The following CLMP variants were observed in gnomAD, a reference collection of about 807,000 sequenced individuals.
The protein encoded by CLMP is CXADR-like membrane protein.
CLMP carries 27 observed loss-of-function variants against 45.2 expected under a neutral mutation model. That is an observed-to-expected ratio of 0.60 (90% CI 0.44 to 0.82). The LOEUF (loss-of-function observed/expected upper bound fraction) is 0.82. Among genes scored for constraint, CLMP ranks in the 40% least tolerant of loss-of-function variants. The probability of loss-of-function intolerance (pLI) is 0.00; values close to 1 mark genes in which losing one functional copy is unlikely to be tolerated. For missense variants in CLMP, 403 were observed against 448.4 expected, an observed-to-expected ratio of 0.90 and a Z score of 0.91; for synonymous variants, 167 against 171.4, an observed-to-expected ratio of 0.97 and a Z score of 0.20.
intron 1 of CLMP, among the ~76,000 whole-genome samples, chr11:123,098,649 C>T (rs1256809516): frequency 6.6e-6 from 1 of 151,828 alleles, no homozygotes; most frequent in Non-Finnish European, 1.5e-5. Flanking sequence ...GATCCTCCCA[C>T]CTCAGGCTCC....
chr11:123,085,780 T>G (rs967686034), intron 2 of CLMP, among the ~76,000 whole-genome samples: 27 of 147,874 alleles, frequency 1.8e-4, no homozygotes, highest in East Asian at 4.4e-4. Context: ...TTTTTTTTTT[T>G]TTGTTTTTTT....
chr11:123,119,013 C>T (rs1591465676), intron 1 of CLMP, among the ~76,000 whole-genome samples: 5 of 37,812 alleles, frequency 1.3e-4, no homozygotes, highest in African/African-American at 5.7e-4. Context: ...CTCTCTCTCT[C>T]TCTCTCTCTC....
Position 123,182,612 on chromosome 11 carries a change from C to T in CLMP, c.28+12301G>A, listed in dbSNP as rs148153165. On this transcript the variant is annotated intron_variant, in intron 1 of 6. Transcript: ENST00000448775. ...CCTATTATATGCTTTACCCTCTGGG[C>T]GTTTATTTCCCTTTCTGAATCCTCA... Among the ~76,000 whole-genome samples, 81 of 152,294 alleles carry T rather than the reference C, an allele frequency of 5.3e-4. 1 individual carries two copies. In the East Asian group the frequency reaches 0.015, roughly 29 times the overall value.
intron 1 of CLMP, among the ~76,000 whole-genome samples, chr11:123,100,335 C>T (rs1460660772): frequency 1.3e-5 from 2 of 151,168 alleles, no homozygotes; most frequent in African/African-American, 2.4e-5. Flanking sequence ...GAGCCGAGAT[C>T]GCACCATTGC....
At chr11:123,179,665 G>A (rs980663349) in intron 1 of CLMP, among the ~76,000 whole-genome samples, 1 of 152,188 alleles carries the variant, frequency 6.6e-6, no homozygotes. Context: ...CCAGTGATCC[G>A]CAGGGGGCAG....
chr11:123,132,810 ACT>A (rs1480078845), intron 1 of CLMP, among the ~76,000 whole-genome samples: 1 of 146,248 alleles, frequency 6.8e-6, no homozygotes, highest in Non-Finnish European at 1.5e-5. Flanking sequence ...ACAGGGTCTC[ACT>A]CTGTGGCTCA....
chr11:123,166,417 T>C (rs1048495627), intron 1 of CLMP, among the ~76,000 whole-genome samples: 22 of 152,274 alleles, frequency 1.4e-4, no homozygotes, highest in African/African-American at 5.3e-4. Flanking sequence ...ACGGCTTCAA[T>C]AGCCCAGAGT....
At chr11:123,165,149 C>T (rs1861540486) in intron 1 of CLMP, among the ~76,000 whole-genome samples, 2 of 152,188 alleles carry the variant, frequency 1.3e-5, no homozygotes, top group Non-Finnish European at 2.9e-5. Context: ...GAAGGATCCT[C>T]ATATCCACCA....
At chr11:123,134,081 G>A (rs943283060) in intron 1 of CLMP, among the ~76,000 whole-genome samples, 12 of 151,982 alleles carry the variant, frequency 7.9e-5, no homozygotes, top group African/African-American at 2.9e-4. Flanking sequence ...CCAACACGGT[G>A]AAACCCTGTC....
chr11:123,158,610 A>T (rs1861445446), intron 1 of CLMP, among the ~76,000 whole-genome samples: 1 of 152,196 alleles, frequency 6.6e-6, no homozygotes, highest in South Asian at 2.1e-4. Context: ...TTAGTTTTGC[A>T]GTAGACCACA....
intron 1 of CLMP, among the ~76,000 whole-genome samples, chr11:123,148,103 C>T (rs1252550510): frequency 6.6e-6 from 1 of 152,204 alleles, no homozygotes; most frequent in Non-Finnish European, 1.5e-5. Context: ...GCTAATAGTA[C>T]ACAACCTCAT....
intron 2 of CLMP, among the ~76,000 whole-genome samples, chr11:123,089,246 A>C (rs1291501120): frequency 1.3e-5 from 2 of 151,966 alleles, no homozygotes; most frequent in African/African-American, 4.8e-5. Flanking sequence ...TTAGCCGGGC[A>C]TGGTGGCGCA....
intron 1 of CLMP, among the ~76,000 whole-genome samples, chr11:123,168,558 G>A (rs1861590103): frequency 6.6e-6 from 1 of 152,134 alleles, no homozygotes; most frequent in Non-Finnish European, 1.5e-5. Flanking sequence ...AGTGTCCCCT[G>A]GGAGCCGGGT....
At chr11:123,139,788 C>T (rs1861128561) in intron 1 of CLMP, among the ~76,000 whole-genome samples, 1 of 151,228 alleles carries the variant, frequency 6.6e-6, no homozygotes, top group African/African-American at 2.4e-5. Flanking sequence ...TGCACTCCAG[C>T]CTGGGCAACA....
intron 1 of CLMP, among the ~76,000 whole-genome samples, chr11:123,102,776 C>G (rs1171702230): frequency 4.4e-5 from 6 of 136,836 alleles, no homozygotes; most frequent in African/African-American, 1.7e-4. Context: ...AGGCTGGTCT[C>G]GAACTCTTGG....
Position 123,082,827 on chromosome 11 carries a change from A to G in CLMP, c.679+258T>C, listed in dbSNP as rs1367499652. On this transcript the variant is annotated intron_variant, in intron 5 of 6. Transcript: ENST00000448775. ...TCACCATGTTAGCCAGGCTGGTCTC[A>G]AACTCCTGACCTCAACTGATCTGCC... Among the ~76,000 whole-genome samples, 3 of 151,354 alleles carry G rather than the reference A, an allele frequency of 2.0e-5. No homozygotes were observed. The East Asian group carries it at 5.9e-4, about 30-fold the overall frequency.
rs191440463 is a variant in CLMP, at chr11:123,121,156, A to G, written c.29-23204T>C. Reference sequence around the variant, plus strand: ...AAAAAAAAAAAAAAAAGCTGTTTGGATATGCTGAGAATGAGCAGGACTTGT... The same window carrying G: ...AAAAAAAAAAAAAAAAGCTGTTTGGGTATGCTGAGAATGAGCAGGACTTGT... On this transcript the variant is annotated intron_variant, in intron 1 of 6. Coordinates refer to ENST00000448775, the MANE Select transcript of CLMP (RefSeq NM_024769.5). 1.7e-3 allele frequency among the ~76,000 whole-genome samples: 254 copies of G among 146,996 alleles called. 1 individual carries two copies. The Middle Eastern group carries it at 0.025, about 14-fold the overall frequency.
intron 1 of CLMP, among the ~76,000 whole-genome samples, chr11:123,144,912 G>A (rs568696664): frequency 2.6e-3 from 403 of 152,132 alleles, no homozygotes; most frequent in African/African-American, 9.3e-3. Flanking sequence ...CTGCTGTCCC[G>A]GTTTTTCAGA....
chr11:123,074,592 T>A, intron 6 of CLMP, 110 bp downstream of exon 6: 1 of 1,145,254 alleles, frequency 8.7e-7, no homozygotes, highest in South Asian at 1.5e-5. Flanking sequence ...GGATAATCCT[T>A]TTAACAGATT....
Sources: gnomAD v4.1 joint callset for allele counts (sites outside exome capture counted in the v4.1 genomes callset) on GRCh38, gnomAD v4.1.1 for gene constraint, MANE v1.5 for transcripts, NCBI Gene and HGNC (gene_info 2026-07-23, HGNC 2026-07-21) for gene names.